PCDHA10: variants seen among roughly 807,000 people sequenced by gnomAD.
The protein encoded by PCDHA10 is protocadherin alpha 10.
A neutral mutation model predicts 61.2 loss-of-function variants in PCDHA10; 45 were observed. The observed-to-expected ratio is 0.74, with a 90% confidence interval of 0.58 to 0.94. The LOEUF (loss-of-function observed/expected upper bound fraction) is 0.94, where lower values mean the gene tolerates loss of function less well. Ranked by LOEUF, PCDHA10 falls within the 40% of genes least tolerant of loss-of-function variation. The pLI, the probability that PCDHA10 is intolerant of heterozygous loss-of-function variation, is 0.00. For missense variants in PCDHA10, 1,278 were observed against 1,236.2 expected (o/e 1.03, Z -0.51); for synonymous variants, 602 against 548.8 (o/e 1.10, Z -1.35).
intron 3 of PCDHA10, among the ~76,000 whole-genome samples, chr5:140,999,230 G>A (rs2097851745): frequency 6.6e-6 from 1 of 152,194 alleles, no homozygotes; most frequent in Non-Finnish European, 1.5e-5. Flanking sequence ...TTTGAGAATA[G>A]GTGGTTAAAG....
chr5:140,966,374 C>G (rs2095995934), intron 1 of PCDHA10: 1 of 405,056 alleles, frequency 2.5e-6, no homozygotes, highest in South Asian at 1.3e-4. Flanking sequence ...GCTGAGCAGT[C>G]CGGGTTCGCT....
rs112749867 is a variant in PCDHA10 at position 140,870,111 on chromosome 5, G to T, written c.2388+11675G>T. On this transcript the variant is annotated intron_variant, in intron 1 of 3. Coordinates refer to ENST00000307360, the MANE Select transcript of PCDHA10 (RefSeq NM_018901.4). ...CAATGGCAGGTCACTGTACAGTCTG[G>T]GTGGAAATCTTGGACACCAACGATA... is the stretch of plus-strand genomic sequence containing the variant. 32 of 1,613,880 alleles carry T rather than the reference G, an allele frequency of 2.0e-5. 1 individual carries two copies. In the African/African-American group the frequency reaches 2.0e-4, roughly 10 times the overall value.
chr5:140,862,294 T>G, intron 1 of PCDHA10: 1 of 269,096 alleles, frequency 3.7e-6, no homozygotes, highest in Non-Finnish European at 7.3e-6. Context: ...AGGAGGACGC[T>G]CCACTGGGTA....
intron 1 of PCDHA10, chr5:140,877,329 C>T: frequency 6.2e-7 from 1 of 1,614,012 alleles, no homozygotes; most frequent in South Asian, 1.1e-5. Flanking sequence ...TCGGCGCGCA[C>T]ATCCCGTTCC....
At position 140,857,354 on chromosome 5, in the gene PCDHA10, G is replaced by T. The variant is rs1449369579; in HGVS notation, c.1306G>T (p.Ala436Ser). 6.3e-7 allele frequency: 1 copy of T among 1,598,378 alleles called. No individual in the cohort carries two copies. ...GGACGGGGGCTCGCCTCCGCTGTGG[G>T]CCACGGCCAGCGTGTCTGTGGAGGT... is the stretch of plus-strand genomic sequence containing the variant. ...ARDGGSPPLWATASVSVEVAD... is the reference protein window; with the variant it reads ...ARDGGSPPLWSTASVSVEVAD... The change falls in exon 1 of 4, where the codon GCC becomes TCC. Residue 436 changes from alanine to serine, a missense_variant. Physicochemically the swap from Ala to Ser is moderately conservative, Grantham distance 99. Transcript: ENST00000307360.
At chr5:140,988,963 G>A (rs1273293184) in intron 3 of PCDHA10, 2 of 152,140 alleles carry the variant, frequency 1.3e-5, no homozygotes, top group African/African-American at 4.8e-5. Flanking sequence ...CAAGCCCCAC[G>A]ATGGAGAGAA....
At chr5:140,998,769 G>A (rs1210690974) in intron 3 of PCDHA10, among the ~76,000 whole-genome samples, 1 of 152,054 alleles carries the variant, frequency 6.6e-6, no homozygotes, top group Non-Finnish European at 1.5e-5. Flanking sequence ...TCACTATGTT[G>A]GTCAGGCTGG....
At chr5:141,007,419 T>C (rs1554261276) in intron 3 of PCDHA10, among the ~76,000 whole-genome samples, 3 of 141,394 alleles carry the variant, frequency 2.1e-5, no homozygotes, top group African/African-American at 5.2e-5. Flanking sequence ...AAAAAAAAAA[T>C]TAGCCAGGCA....
chr5:140,916,022 A>G (rs982398362), intron 1 of PCDHA10, among the ~76,000 whole-genome samples: 1 of 151,978 alleles, frequency 6.6e-6, no homozygotes, highest in Non-Finnish European at 1.5e-5. Context: ...AGTCTTTCCC[A>G]TTCTTCCCTC....
At chr5:140,924,894 CAAAAAA>C (rs782133089) in intron 1 of PCDHA10, among the ~76,000 whole-genome samples, 79 of 71,496 alleles carry the variant, frequency 1.1e-3, no homozygotes, top group African/African-American at 2.7e-3. Flanking sequence ...GAACCTGTCT[CAAAAAA>C]AAAAATAAAA....
At chr5:140,939,712 C>T (rs1019626550) in intron 1 of PCDHA10, among the ~76,000 whole-genome samples, 2 of 152,256 alleles carry the variant, frequency 1.3e-5, no homozygotes, top group East Asian at 1.9e-4. Context: ...TTGTGAGATA[C>T]ATTTATATTG....
At chr5:140,895,892 A>G (rs1554186717) in intron 1 of PCDHA10, among the ~76,000 whole-genome samples, 1 of 152,080 alleles carries the variant, frequency 6.6e-6, no homozygotes, top group East Asian at 1.9e-4. Flanking sequence ...GCTCACTGCA[A>G]CCTCCGCGTC....
chr5:140,871,193 T>G (rs782048235), intron 1 of PCDHA10: 2 of 1,613,630 alleles, frequency 1.2e-6, no homozygotes, highest in African/African-American at 1.3e-5. Flanking sequence ...GATGTCAACG[T>G]GTACCTGATC....
intron 1 of PCDHA10, chr5:140,928,323 T>C: frequency 1.2e-6 from 2 of 1,614,178 alleles, no homozygotes; most frequent in Non-Finnish European, 1.7e-6. Context: ...TGGGGAAGAA[T>C]GGCCTTGTCT....
intron 1 of PCDHA10, among the ~76,000 whole-genome samples, chr5:140,896,631 C>A (rs1583239619): frequency 6.6e-6 from 1 of 152,014 alleles, no homozygotes; most frequent in East Asian, 1.9e-4. Context: ...CCTGCCTTGG[C>A]CTCCCAAAGT....
At chr5:140,928,235 C>T (rs1455319165) in intron 1 of PCDHA10, 9 of 1,614,090 alleles carry the variant, frequency 5.6e-6, no homozygotes, top group African/African-American at 1.3e-5. Context: ...TTTCCTCAAC[C>T]CCAGCAGGAA....
intron 1 of PCDHA10, chr5:140,871,625 ATGTC>A (rs1304722830): frequency 2.1e-6 from 3 of 1,403,018 alleles, no homozygotes; most frequent in Non-Finnish European, 2.8e-6. Context: ...TTAGATAACA[ATGTC>A]TGTTCATAAA....
intron 1 of PCDHA10, chr5:140,866,169 T>C (rs914189373): frequency 2.0e-5 from 3 of 152,132 alleles, no homozygotes; most frequent in African/African-American, 4.8e-5. Context: ...TCGTTTAACA[T>C]GTAAGAAAAG....
rs139860906 is a variant in PCDHA10, at chr5:140,989,355, C to T, written c.2536+6792C>T. On this transcript the variant is annotated intron_variant, in intron 3 of 3. Transcript: ENST00000307360. Reference sequence around the variant, plus strand: ...CTGACTCAGCTCAAAGGTGATAGGTCACCTGTGTGACTGAGAGCTTTGTGG... The same window carrying T: ...CTGACTCAGCTCAAAGGTGATAGGTTACCTGTGTGACTGAGAGCTTTGTGG... Among the ~76,000 whole-genome samples the T allele has an allele frequency of 1.6e-4, 25 of 152,258 alleles. No individual in the cohort carries two copies. In the East Asian group the frequency reaches 4.4e-3, roughly 27 times the overall value.
Sources: gnomAD v4.1 joint callset for allele counts (sites outside exome capture counted in the v4.1 genomes callset) on GRCh38, gnomAD v4.1.1 for gene constraint, MANE v1.5 for transcripts, NCBI Gene and HGNC (gene_info 2026-07-23, HGNC 2026-07-21) for gene names.